The following KLHL32 variants were observed in gnomAD, a reference collection of about 807,000 sequenced individuals.
KLHL32 encodes the protein kelch-like protein 32.
KLHL32 carries 35 observed loss-of-function variants against 64.8 expected under a neutral mutation model. The observed-to-expected ratio is 0.54, with a 90% confidence interval of 0.41 to 0.72. KLHL32 has a LOEUF of 0.72. Ranked by LOEUF, KLHL32 falls within the 30% of genes least tolerant of loss-of-function variation. KLHL32 has a pLI of 0.00. For synonymous variants in KLHL32, 259 were observed against 281.0 expected (o/e 0.92, Z 0.78); for missense variants, 589 against 768.5 (o/e 0.77, Z 2.76).
At chr6:96,971,556 C>T (rs1440223123) in intron 2 of KLHL32, among the ~76,000 whole-genome samples, 3 of 152,170 alleles carry the variant, frequency 2.0e-5, no homozygotes, top group Admixed American at 6.5e-5. Flanking sequence ...TAGATACTGA[C>T]ATATGGCTGA....
intron 3 of KLHL32, among the ~76,000 whole-genome samples, chr6:97,015,678 C>A (rs1045693754): frequency 6.6e-6 from 1 of 152,096 alleles, no homozygotes. Context: ...TCTGGGGAGA[C>A]GTTCAAGCTG....
In KLHL32 at chr6:97,139,706, CT is replaced by C. The variant is rs1800479507; in HGVS notation, c.*429del. On this transcript the variant is annotated 3_prime_UTR_variant, in exon 11 of 11. Coordinates refer to ENST00000369261, the MANE Select transcript of KLHL32 (RefSeq NM_052904.4). ...ATTTAAAGCCGGGCTTGTAATTTTTCTTTTTAAAATTTAACATTATGCAGCC... is the reference window on the plus strand; with the variant it reads ...ATTTAAAGCCGGGCTTGTAATTTTTCTTTTAAAATTTAACATTATGCAGCC... 1 of 153,824 alleles carries C rather than the reference CT, an allele frequency of 6.5e-6. No homozygotes were observed. The highest frequency in any genetic ancestry group is 1.4e-5 in the Non-Finnish European group (1 of 69,302). The allele number at this position is 153,824 out of a possible 1,614,324, so 9.5% of individuals were successfully genotyped here. A position where few individuals can be genotyped will look rare whatever the true frequency, so the allele number is the denominator to read the frequency against.
intron 5 of KLHL32, among the ~76,000 whole-genome samples, chr6:97,068,240 C>A (rs72930973): frequency 3.1e-4 from 47 of 152,084 alleles, no homozygotes; most frequent in South Asian, 2.5e-3. Context: ...GTTTTATTAA[C>A]AACCATTCTT....
At chr6:97,127,535 G>C (rs1562365122) in intron 8 of KLHL32, 73 bp downstream of exon 8, 3 of 1,220,422 alleles carry the variant, frequency 2.5e-6, no homozygotes, top group South Asian at 2.5e-5. Flanking sequence ...ATTAGTAATT[G>C]GAATGCCAAG....
upstream of KLHL32, among the ~76,000 whole-genome samples, chr6:96,920,951 A>T (rs2127981785): frequency 6.6e-6 from 1 of 152,352 alleles, no homozygotes; most frequent in African/African-American, 2.4e-5. Flanking sequence ...TAAGAAAAAA[A>T]TAATGAATGT....
chr6:97,059,423 A>G (rs1788518792), intron 4 of KLHL32, among the ~76,000 whole-genome samples: 1 of 152,226 alleles, frequency 6.6e-6, no homozygotes, highest in African/African-American at 2.4e-5. Flanking sequence ...TGATTCATAG[A>G]GAACTACTGA....
chr6:96,898,183 G>A, the KLHL32 span, among the ~76,000 whole-genome samples: 78 of 152,360 alleles, frequency 5.1e-4, no homozygotes, highest in African/African-American at 1.7e-3. Flanking sequence ...GTGAGGCCCA[G>A]CATTGGATAA....
intron 4 of KLHL32, among the ~76,000 whole-genome samples, chr6:97,062,109 G>C (rs1030535963): frequency 1.3e-5 from 2 of 152,200 alleles, no homozygotes; most frequent in African/African-American, 2.4e-5. Flanking sequence ...AACAATCGCC[G>C]TATGGGTTTT....
chr6:97,049,256 C>A (rs1786436110), intron 4 of KLHL32, among the ~76,000 whole-genome samples: 1 of 152,132 alleles, frequency 6.6e-6, no homozygotes, highest in Non-Finnish European at 1.5e-5. Context: ...TAACAATACA[C>A]CAGCATCACT....
At chr6:97,024,452 G>A (rs574114540) in intron 3 of KLHL32, among the ~76,000 whole-genome samples, 3 of 151,304 alleles carry the variant, frequency 2.0e-5, no homozygotes, top group Non-Finnish European at 4.4e-5. Flanking sequence ...TTGAAACTGA[G>A]CACATTTCAT....
chr6:96,963,536 G>T (rs919162523), intron 1 of KLHL32, among the ~76,000 whole-genome samples: 14 of 152,050 alleles, frequency 9.2e-5, no homozygotes, highest in African/African-American at 3.4e-4. Context: ...TGGCTTTTAG[G>T]TCAAAATGAT....
At chr6:97,079,801 A>G (rs1792202385) in intron 5 of KLHL32, among the ~76,000 whole-genome samples, 1 of 152,184 alleles carries the variant, frequency 6.6e-6, no homozygotes, top group African/African-American at 2.4e-5. Context: ...TGTATGCACC[A>G]TAATTCTGAA....
At chr6:96,992,523 G>A (rs1337591019) in intron 3 of KLHL32, among the ~76,000 whole-genome samples, 1 of 152,204 alleles carries the variant, frequency 6.6e-6, no homozygotes, top group African/African-American at 2.4e-5. Context: ...CTGGAATCCC[G>A]GTTTTGAATT....
chr6:97,135,777 A>AT (rs1250064000), intron 10 of KLHL32, among the ~76,000 whole-genome samples: 1 of 152,116 alleles, frequency 6.6e-6, no homozygotes, highest in Non-Finnish European at 1.5e-5. Context: ...CTAAAGCTCC[A>AT]TTTTTTTATG....
chr6:97,041,400 A>T, intron 3 of KLHL32, 92 bp from the exon 4 acceptor site: 1 of 773,360 alleles, frequency 1.3e-6, no homozygotes, highest in Admixed American at 2.2e-5. Flanking sequence ...TTAATTTGTA[A>T]AACTTTTTTT....
intron 1 of KLHL32, among the ~76,000 whole-genome samples, chr6:96,950,132 G>A (rs901758586): frequency 6.6e-6 from 1 of 151,756 alleles, no homozygotes; most frequent in African/African-American, 2.4e-5. Flanking sequence ...TCTCAAAGTT[G>A]TTAAAATTAT....
At chr6:96,942,395 A>G (rs1378037820) in intron 1 of KLHL32, among the ~76,000 whole-genome samples, 1 of 152,170 alleles carries the variant, frequency 6.6e-6, no homozygotes, top group Non-Finnish European at 1.5e-5. Context: ...CATTTCCTCC[A>G]TGAAACCATT....
chr6:96,994,194 T>G (rs1582630613), intron 3 of KLHL32, among the ~76,000 whole-genome samples: 3 of 152,328 alleles, frequency 2.0e-5, no homozygotes, highest in Admixed American at 2.0e-4. Flanking sequence ...ACTAGAATAT[T>G]TGTTTTCCTT....
intron 1 of KLHL32, among the ~76,000 whole-genome samples, chr6:96,939,239 T>A (rs1770986309): frequency 6.6e-6 from 1 of 152,262 alleles, no homozygotes; most frequent in African/African-American, 2.4e-5. Context: ...TATAAAAACA[T>A]TGCCAGTTTT....
Sources: allele counts gnomAD v4.1 joint callset (sites outside exome capture counted in the v4.1 genomes callset), GRCh38; gene constraint gnomAD v4.1.1; transcripts MANE v1.5; gene names NCBI Gene and HGNC (gene_info 2026-07-23, HGNC 2026-07-21).